The following ZNF454 variants were observed in gnomAD, a reference collection of about 807,000 sequenced individuals.
ZNF454 encodes the protein zinc finger protein 454.
A neutral mutation model predicts 48.2 loss-of-function variants in ZNF454; 30 were observed. The ratio of observed to expected loss-of-function variants is 0.62; its 90% CI spans 0.47 to 0.84. ZNF454 has a LOEUF of 0.84. Among genes scored for constraint, ZNF454 ranks in the 40% least tolerant of loss-of-function variants. ZNF454 has a pLI of 0.00. For synonymous variants in ZNF454, 204 were observed against 211.4 expected, an observed-to-expected ratio of 0.97 and a Z score of 0.30; for missense variants, 510 against 623.1, an observed-to-expected ratio of 0.82 and a Z score of 1.93.
the ZNF454 span, chr5:178,988,942 G>A: frequency 6.2e-7 from 1 of 1,612,364 alleles, no homozygotes; most frequent in Non-Finnish European, 8.5e-7. This position sits in a 1 kb window ranked among gnomAD's most constrained non-coding sequence, Gnocchi z 6.0. Flanking sequence ...CACCATTGAA[G>A]CGGACAGCTC....
chr5:178,985,679 G>T, the ZNF454 span: 7 of 401,362 alleles, frequency 1.7e-5, no homozygotes, highest in East Asian at 1.5e-4. Context: ...CTCCAGCCTG[G>T]GCGACACAGC....
chr5:178,986,973 T>C, the ZNF454 span: 3 of 1,613,780 alleles, frequency 1.9e-6, no homozygotes, highest in Non-Finnish European at 2.5e-6. Flanking sequence ...TCACAGGGGT[T>C]CCTGCGCTGC....
At chr5:178,986,852 T>C in the ZNF454 span, 2 of 1,613,736 alleles carry the variant, frequency 1.2e-6, no homozygotes, top group Non-Finnish European at 1.7e-6. Flanking sequence ...AGTCTGAGGG[T>C]CTCTGCCCAC....
At chr5:178,968,414 G>A (rs956407691), downstream of ZNF454, among the ~76,000 whole-genome samples, 2 of 152,164 alleles carry the variant, frequency 1.3e-5, no homozygotes, top group African/African-American at 4.8e-5. Context: ...AGACTTGGAA[G>A]CTTCCAGCAG....
At chr5:178,943,762 A>G (rs999926730) in intron 2 of ZNF454, among the ~76,000 whole-genome samples, 10 of 152,232 alleles carry the variant, frequency 6.6e-5, no homozygotes, top group African/African-American at 2.4e-4. Flanking sequence ...GCGGTGGCTC[A>G]CGCCTGTAAT....
chr5:178,969,621 G>C (rs1318754903), downstream of ZNF454: 1 of 456,684 alleles, frequency 2.2e-6, no homozygotes, highest in Admixed American at 2.3e-5. Flanking sequence ...ACACAAGACT[G>C]CTCTGGTACA....
chr5:178,982,669 ATCTC>A, the ZNF454 span: 2 of 465,676 alleles, frequency 4.3e-6, no homozygotes, highest in African/African-American at 4.2e-5. Context: ...GTGAGGCAAT[ATCTC>A]TCAAAGAAAT....
chr5:178,966,055 CTA>C lies in ZNF454; in HGVS notation c.*84_*85del. The C allele has an allele frequency of 8.5e-7, 1 of 1,179,806 alleles. No individual in the cohort carries two copies. The allele number at this position is 1,179,806 out of a possible 1,614,324, so 73.1% of individuals were successfully genotyped here. A position where few individuals can be genotyped will look rare whatever the true frequency, so the allele number is the denominator to read the frequency against. ...TGAGATAATCCGTTCTAGAGAATAA[CTA>C]TGAAAGCTTGCATCAAGATAGTCAC... On this transcript the variant is annotated 3_prime_UTR_variant, in exon 5 of 5. Transcript: ENST00000519564.
the ZNF454 span, chr5:178,981,721 C>T: frequency 6.2e-7 from 1 of 1,614,148 alleles, no homozygotes; most frequent in South Asian, 1.1e-5. The surrounding 1 kb of genome is among the most constrained non-coding windows in gnomAD (Gnocchi z 5.1). Context: ...GGCCTTGAGG[C>T]TCCGCTTTCG....
chr5:178,983,213 C>G, the ZNF454 span: 1 of 1,611,498 alleles, frequency 6.2e-7, no homozygotes, highest in Non-Finnish European at 8.5e-7. Context: ...ATGCTATCAT[C>G]CCCACCACCT....
the ZNF454 span, chr5:178,977,453 G>A: frequency 2.2e-6 from 1 of 456,054 alleles, no homozygotes; most frequent in East Asian, 7.0e-5. Flanking sequence ...AGAACTATGA[G>A]AAATGTCTGT....
At chr5:178,974,079 GTC>G in the ZNF454 span, among the ~76,000 whole-genome samples, 2 of 152,130 alleles carry the variant, frequency 1.3e-5, no homozygotes, top group Non-Finnish European at 2.9e-5. Context: ...TGTTACAAGA[GTC>G]TATGGCAGGA....
the ZNF454 span, among the ~76,000 whole-genome samples, chr5:178,971,477 C>T: frequency 6.6e-6 from 1 of 152,022 alleles, no homozygotes; most frequent in African/African-American, 2.4e-5. Flanking sequence ...GTGTGTGGGC[C>T]TGAGAGAGGA....
intron 4 of ZNF454, among the ~76,000 whole-genome samples, chr5:178,956,381 A>G (rs1268517663): frequency 6.6e-6 from 1 of 152,114 alleles, no homozygotes; most frequent in African/African-American, 2.4e-5. Context: ...CTATCCAGGC[A>G]GTGGGAAGAC....
chr5:178,962,457 C>G (rs887558923), intron 4 of ZNF454, among the ~76,000 whole-genome samples: 1 of 151,544 alleles, frequency 6.6e-6, no homozygotes, highest in African/African-American at 2.4e-5. Context: ...TGGATATTTT[C>G]TGCTTATGTA....
chr5:178,970,113 G>A (rs926855987), downstream of ZNF454, among the ~76,000 whole-genome samples: 2 of 152,208 alleles, frequency 1.3e-5, no homozygotes, highest in African/African-American at 4.8e-5. Flanking sequence ...GAGCCTCAGA[G>A]TCTTGGAACA....
At chr5:178,977,804 T>A in the ZNF454 span, among the ~76,000 whole-genome samples, 7 of 152,124 alleles carry the variant, frequency 4.6e-5, no homozygotes, top group African/African-American at 1.7e-4. Flanking sequence ...AGGCTGGTCT[T>A]GAACTCCTGG....
the ZNF454 span, chr5:178,987,602 G>C: frequency 5.8e-4 from 216 of 374,934 alleles, 4 homozygotes; most frequent in South Asian, 3.4e-3. Context: ...AGGTACCGAG[G>C]GTAGACAATT....
chr5:178,946,869 G>T lies in ZNF454; in HGVS notation c.161-28G>T, dbSNP rs758078733. 9 of 1,590,632 alleles carry T rather than the reference G, an allele frequency of 5.7e-6. No individual in the cohort carries two copies. In the Middle Eastern group the frequency reaches 8.3e-4, roughly 147 times the overall value. On this transcript the variant is annotated intron_variant, in intron 3 of 4. Transcript: ENST00000519564. The surrounding 1 kb of genome is among the most constrained non-coding windows in gnomAD (Gnocchi z 4.5). ...TTTATCTCTCGTATAAACAGATGTG[G>T]TTCATTTTTGTCTCCCCTTAAAAAC... is the stretch of plus-strand genomic sequence containing the variant.
Sources: gnomAD v4.1 joint callset for allele counts (sites outside exome capture counted in the v4.1 genomes callset) on GRCh38, gnomAD v4.1.1 for gene constraint, Gnocchi (gnomAD v3.1) non-coding constraint, MANE v1.5 for transcripts, NCBI Gene and HGNC (gene_info 2026-07-23, HGNC 2026-07-21) for gene names.